The following COX19 variants were observed in gnomAD, a reference collection of about 807,000 sequenced individuals.
COX19 encodes cytochrome c oxidase assembly factor COX19, also known as cytochrome c oxidase assembly protein COX19.
In COX19, 8 loss-of-function variants were observed where a neutral mutation model predicts 6.8. The observed-to-expected ratio is 1.18, with a 90% CI of 0.69 to 2.12. COX19 has a LOEUF of 2.12. Ranked by LOEUF, COX19 falls within the 30% of genes most tolerant of loss-of-function variation. COX19 has a pLI of 0.00. For missense variants in COX19, 131 were observed against 104.6 expected (o/e 1.25, Z -1.10); for synonymous variants, 51 against 38.0 (o/e 1.34, Z -1.26).
At chr7:971,787 G>A (rs1264903601) in intron 2 of COX19, among the ~76,000 whole-genome samples, 1 of 152,172 alleles carries the variant, frequency 6.6e-6, no homozygotes, top group Non-Finnish European at 1.5e-5. Flanking sequence ...GGGAGAATGG[G>A]GTGAACCCGG....
chr7:973,823 G>A (rs1452948546), intron 1 of COX19, among the ~76,000 whole-genome samples: 3 of 151,756 alleles, frequency 2.0e-5, no homozygotes, highest in Admixed American at 6.6e-5. Context: ...AAAATTAGCC[G>A]GGCATGGTGG....
rs181956039 is a variant in COX19, at chr7:969,513, C to A, written c.195-57G>T. On this transcript the variant is annotated intron_variant, in intron 2 of 2. Transcript: ENST00000344111. ...GAGGTGCAGAGAGGACAAGAGGGGC[C>A]CTTGCAGGCCCCGGCTTCCCAGCGC... The A allele has an allele frequency of 4.4e-4, 483 of 1,103,416 alleles. No homozygotes were observed. The African/African-American group carries it at 5.0e-3, about 12-fold the overall frequency. 68.4% of individuals were successfully genotyped at this position (1,103,416 alleles called of 1,614,324 possible).
Position 965,345 on chromosome 7 carries a change from G to C in COX19, c.*4033C>G, listed in dbSNP as rs975914680. 1.3e-5 allele frequency among the ~76,000 whole-genome samples: 2 copies of C among 152,160 alleles called. No homozygotes were observed. The highest frequency in any genetic ancestry group is 4.8e-5 in the African/African-American group (2 of 41,416). ...TAACATCTTACATAACACTGGGCCA[G>C]CGCTGCCAGTCACTTCGCAGAAGGC... On this transcript the variant is annotated 3_prime_UTR_variant, in exon 3 of 3. Coordinates refer to ENST00000344111, the MANE Select transcript of COX19 (RefSeq NM_001031617.3).
rs1017914204 is a variant in COX19 at position 969,276 on chromosome 7, C to G, written c.*102G>C. 1.3e-6 allele frequency: 1 copy of G among 769,036 alleles called. No homozygotes were observed. The highest frequency in any genetic ancestry group is 1.7e-5 in the African/African-American group (1 of 57,470). The allele number at this position is 769,036 out of a possible 1,614,324, so 47.6% of individuals were successfully genotyped here. Reference sequence around the variant, plus strand: ...TGGAGCTTCTATTCGAAGCCCATTTCTAAGGACACCACACGCAGGCCTCAG... The same window carrying G: ...TGGAGCTTCTATTCGAAGCCCATTTGTAAGGACACCACACGCAGGCCTCAG... On this transcript the variant is annotated 3_prime_UTR_variant, in exon 3 of 3. Coordinates refer to ENST00000344111, the MANE Select transcript of COX19 (RefSeq NM_001031617.3).
At chr7:972,059 C>T (rs536486888) in intron 2 of COX19, among the ~76,000 whole-genome samples, 1 of 152,268 alleles carries the variant, frequency 6.6e-6, no homozygotes, top group East Asian at 1.9e-4. Context: ...CTCACACCCT[C>T]ACATGAACAC....
chr7:972,872 C>T, intron 2 of COX19: 1 of 184,148 alleles, frequency 5.4e-6, no homozygotes, highest in Non-Finnish European at 1.1e-5. Context: ...ACTCAGTCAG[C>T]ATTATGATGC....
chr7:975,306 C>T (rs891728177), intron 1 of COX19, 122 bp downstream of exon 1: 8 of 717,002 alleles, frequency 1.1e-5, no homozygotes, highest in South Asian at 2.0e-5. Flanking sequence ...AGGGGCGGGC[C>T]GCCGTGCCTC....
Position 965,924 on chromosome 7 carries a change from C to T in COX19, c.*3454G>A, listed in dbSNP as rs1024373801. ...AAAGTGTTGGGATTATAGGCGTGAG[C>T]CACTGGCGCCCGGCCCGCTGAGGGT... On this transcript the variant is annotated 3_prime_UTR_variant, in exon 3 of 3. Coordinates refer to ENST00000344111, the MANE Select transcript of COX19 (RefSeq NM_001031617.3). 6.6e-6 allele frequency among the ~76,000 whole-genome samples: 1 copy of T among 152,158 alleles called. No homozygotes were observed. Among genetic ancestry groups the T allele is most frequent in the Non-Finnish European group, 1.5e-5 (1 of 68,030 alleles).
intron 2 of COX19, among the ~76,000 whole-genome samples, chr7:972,412 T>C (rs1338961775): frequency 1.3e-5 from 2 of 152,266 alleles, no homozygotes; most frequent in East Asian, 3.9e-4. Flanking sequence ...TTGAGGGAAA[T>C]GTCTGAGTAT....
Position 965,284 on chromosome 7 carries a change from C to CA in COX19, c.*4093dup, listed in dbSNP as rs1364942979. Reference sequence around the variant, plus strand: ...ATAATTTCAGACTTCCAAAAAGTTCCAAAAATAGGACAGTGTGTATACCCA... The same window carrying CA: ...ATAATTTCAGACTTCCAAAAAGTTCCAAAAAATAGGACAGTGTGTATACCCA... On this transcript the variant is annotated 3_prime_UTR_variant, in exon 3 of 3. Coordinates refer to ENST00000344111, the MANE Select transcript of COX19 (RefSeq NM_001031617.3). Among the ~76,000 whole-genome samples the CA allele has an allele frequency of 1.4e-4, 22 of 152,152 alleles. No homozygotes were observed. The East Asian group carries it at 3.1e-3, about 21-fold the overall frequency.
chr7:971,184 C>T (rs921029417), intron 2 of COX19, among the ~76,000 whole-genome samples: 5 of 152,196 alleles, frequency 3.3e-5, no homozygotes, highest in African/African-American at 1.2e-4. Context: ...AAAACTAATC[C>T]CCAGGACAGG....
In COX19 at chr7:967,595, G is replaced by C. The variant is rs890558766; in HGVS notation, c.*1783C>G. 7.2e-5 allele frequency: 11 copies of C among 152,424 alleles called. No homozygotes were observed. Among genetic ancestry groups the C allele is most frequent in the African/African-American group, 2.6e-4 (11 of 41,586 alleles). 9.4% of individuals were successfully genotyped at this position (152,424 alleles called of 1,614,324 possible). A position where few individuals can be genotyped will look rare whatever the true frequency, so the allele number is the denominator to read the frequency against. Reference sequence around the variant, plus strand: ...ACGGCGGGTCAGAGTGCGATGGGAAGAGGCCCCGGCCTGGGCCCGGGAGCT... The same window carrying C: ...ACGGCGGGTCAGAGTGCGATGGGAACAGGCCCCGGCCTGGGCCCGGGAGCT... On this transcript the variant is annotated 3_prime_UTR_variant, in exon 3 of 3. Coordinates refer to ENST00000344111, the MANE Select transcript of COX19 (RefSeq NM_001031617.3).
chr7:966,761 G>C lies in COX19; in HGVS notation c.*2617C>G, dbSNP rs928709676. 1 of 152,224 alleles carries C rather than the reference G, an allele frequency of 6.6e-6. No individual in the cohort carries two copies. Among genetic ancestry groups the C allele is most frequent in the Non-Finnish European group, 1.5e-5 (1 of 68,070 alleles). The allele number at this position is 152,224 out of a possible 1,614,324, so 9.4% of individuals were successfully genotyped here. A position where few individuals can be genotyped will look rare whatever the true frequency, so the allele number is the denominator to read the frequency against. The stretch of plus-strand genomic sequence containing the variant: ...CAGCCACAGTCCAAAAATACTAAGT[G>C]GAAAATTCCAGAAATAAACCATTCA... On this transcript the variant is annotated 3_prime_UTR_variant, in exon 3 of 3. Coordinates refer to ENST00000344111, the MANE Select transcript of COX19 (RefSeq NM_001031617.3).
intron 1 of COX19, 100 bp from the exon 2 acceptor site, chr7:973,392 T>C: frequency 7.2e-7 from 1 of 1,390,346 alleles, no homozygotes; most frequent in Non-Finnish European, 9.4e-7. Context: ...TCAAAACTTG[T>C]TTCCTCAGGC....
chr7:969,177 G>C lies in COX19; in HGVS notation c.*201C>G. On this transcript the variant is annotated 3_prime_UTR_variant, in exon 3 of 3. Coordinates refer to ENST00000344111, the MANE Select transcript of COX19 (RefSeq NM_001031617.3). Reference sequence around the variant, plus strand: ...TTGCCGGGAACGCCGTCCCACTCAGGGGTTCAATGCAGAAACACCCTCCTA... The same window carrying C: ...TTGCCGGGAACGCCGTCCCACTCAGCGGTTCAATGCAGAAACACCCTCCTA... 1.8e-6 allele frequency: 1 copy of C among 566,572 alleles called. No individual in the cohort carries two copies. The highest frequency in any genetic ancestry group is 3.1e-6 in the Non-Finnish European group (1 of 319,106). 35.1% of individuals were successfully genotyped at this position (566,572 alleles called of 1,614,324 possible).
At chr7:974,615 T>C (rs1847679053) in intron 1 of COX19, among the ~76,000 whole-genome samples, 1 of 152,114 alleles carries the variant, frequency 6.6e-6, no homozygotes, top group Non-Finnish European at 1.5e-5. Context: ...CACAATAAAA[T>C]GTTGGGAAAG....
chr7:974,864 G>C (rs1847683314), intron 1 of COX19: 1 of 152,196 alleles, frequency 6.6e-6, no homozygotes, highest in Non-Finnish European at 1.5e-5. Flanking sequence ...CCCCATGTTG[G>C]GCAGGCTGGT....
intron 2 of COX19, among the ~76,000 whole-genome samples, 159 bp from the exon 3 acceptor site, chr7:969,615 TC>T (rs1167786989): frequency 4.6e-5 from 7 of 152,068 alleles, no homozygotes; most frequent in Non-Finnish European, 7.4e-5. Flanking sequence ...GCTGGTGCCT[TC>T]CCCACTGGGC....
intron 2 of COX19, 186 bp downstream of exon 2, chr7:972,995 T>G: frequency 2.6e-6 from 1 of 381,478 alleles, no homozygotes; most frequent in Non-Finnish European, 4.7e-6. Context: ...CCCAAGATTG[T>G]GAAACAGCTT....
Sources: allele counts gnomAD v4.1 joint callset (sites outside exome capture counted in the v4.1 genomes callset), GRCh38; gene constraint gnomAD v4.1.1; transcripts MANE v1.5; gene names NCBI Gene and HGNC (gene_info 2026-07-23, HGNC 2026-07-21).